The following PACRGL variants were observed in gnomAD, a reference collection of about 807,000 sequenced individuals.
PACRGL encodes PACRG-like protein.
Under a neutral mutation model 34.5 loss-of-function variants are expected in PACRGL, and 38 were observed. The ratio of observed to expected loss-of-function variants is 1.10; its 90% confidence interval spans 0.85 to 1.44. The LOEUF (loss-of-function observed/expected upper bound fraction) is 1.44, where lower values mean the gene tolerates loss of function less well. Among genes scored for constraint, PACRGL ranks in the 40% most tolerant of loss-of-function variants. The pLI, the probability that PACRGL is intolerant of heterozygous loss-of-function variation, is 0.00. For synonymous variants in PACRGL, 128 were observed against 100.1 expected (o/e 1.28, Z -1.66); for missense variants, 305 against 281.4 (o/e 1.08, Z -0.60).
At chr4:20,700,367 C>T (rs1234659553), upstream of PACRGL, 4 of 152,234 alleles carry the variant, frequency 2.6e-5, no homozygotes, top group Non-Finnish European at 5.9e-5. Context: ...GGCGCCTCCG[C>T]GACCTCTTAC....
chr4:20,755,171 A>G (rs533099762), downstream of PACRGL, among the ~76,000 whole-genome samples: 2 of 152,166 alleles, frequency 1.3e-5, no homozygotes, highest in African/African-American at 4.8e-5. Context: ...CATCCAAAGT[A>G]TATCCAAATT....
chr4:20,713,642 A>C, intron 7 of PACRGL, 103 bp downstream of exon 7: 1 of 907,220 alleles, frequency 1.1e-6, no homozygotes. Flanking sequence ...AAAACCTTAA[A>C]AATCTCCCTC....
downstream of PACRGL, among the ~76,000 whole-genome samples, chr4:20,735,624 C>T (rs1464925251): frequency 2.6e-5 from 4 of 151,110 alleles, no homozygotes; most frequent in Non-Finnish European, 5.9e-5. Context: ...CCACCTCCCA[C>T]CTCCCAGGTT....
chr4:20,711,998 A>C (rs1196840960), intron 5 of PACRGL, among the ~76,000 whole-genome samples: 1 of 152,000 alleles, frequency 6.6e-6, no homozygotes, highest in African/African-American at 2.4e-5. Flanking sequence ...AATGTAGGGG[A>C]TCTTATAGCC....
intron 3 of PACRGL, among the ~76,000 whole-genome samples, chr4:20,705,236 T>A (rs756697245): frequency 2.0e-5 from 3 of 152,150 alleles, no homozygotes; most frequent in Non-Finnish European, 4.4e-5. Context: ...ACTAACCTCC[T>A]TTGCCCTCTC....
intron 8 of PACRGL, among the ~76,000 whole-genome samples, chr4:20,751,548 A>T (rs1753640448): frequency 6.6e-6 from 1 of 150,646 alleles, no homozygotes; most frequent in Non-Finnish European, 1.5e-5. Context: ...GAAAAAAAAA[A>T]GAGATTTTGC....
At chr4:20,751,989 T>G (rs1753719125) in intron 8 of PACRGL, among the ~76,000 whole-genome samples, 1 of 152,130 alleles carries the variant, frequency 6.6e-6, no homozygotes, top group South Asian at 2.1e-4. Flanking sequence ...GCAAGTTGTT[T>G]TACCTTTGTG....
the PACRGL span, among the ~76,000 whole-genome samples, chr4:20,764,782 T>C: frequency 0.16 from 23,712 of 152,002 alleles, 1,957 homozygotes; most frequent in East Asian, 0.19. Context: ...CCAGTGGACA[T>C]TGAGGCGTTT....
intron 8 of PACRGL, among the ~76,000 whole-genome samples, chr4:20,725,132 G>GCTT (rs1403863598): frequency 6.6e-6 from 1 of 152,116 alleles, no homozygotes; most frequent in Non-Finnish European, 1.5e-5. Flanking sequence ...CTTTCACAGT[G>GCTT]CTTAATGTGG....
chr4:20,704,416 T>C (rs1480371484), intron 1 of PACRGL, 50 bp from the exon 2 acceptor site: 8 of 1,543,562 alleles, frequency 5.2e-6, no homozygotes, highest in Non-Finnish European at 5.3e-6. Context: ...TGATAACAAA[T>C]GCCCCTCCAA....
At chr4:20,708,017 G>T in intron 4 of PACRGL, 147 bp downstream of exon 4, 1 of 655,920 alleles carries the variant, frequency 1.5e-6, no homozygotes, top group Admixed American at 3.1e-5. Context: ...TTTTGGACTG[G>T]TATAGATTCC....
chr4:20,709,651 T>G lies in PACRGL; in HGVS notation c.276-32T>G, dbSNP rs749342290. ...CCTGCTTAATATAGAATTATATTTTTCTTGTTGCATTCACTAACTTTTATA... is the reference window on the plus strand; with the variant it reads ...CCTGCTTAATATAGAATTATATTTTGCTTGTTGCATTCACTAACTTTTATA... On this transcript the variant is annotated intron_variant, in intron 4 of 8. Transcript: ENST00000503585. The G allele has an allele frequency of 3.7e-6, 5 of 1,355,700 alleles. No homozygotes were observed. The Admixed American group carries it at 7.5e-5, about 20-fold the overall frequency. 84.0% of individuals were successfully genotyped at this position (1,355,700 alleles called of 1,614,324 possible).
At chr4:20,738,494 TG>T (rs558536497) in intron 8 of PACRGL, among the ~76,000 whole-genome samples, 145 of 152,324 alleles carry the variant, frequency 9.5e-4, no homozygotes, top group Non-Finnish European at 1.6e-3. Context: ...AGGGGAAGCC[TG>T]TACTGCTTCC....
At chr4:20,748,906 A>G (rs1189337963) in intron 8 of PACRGL, among the ~76,000 whole-genome samples, 37 of 149,726 alleles carry the variant, frequency 2.5e-4, no homozygotes, top group African/African-American at 7.8e-4. Context: ...ATATATATAT[A>G]TATATATATA....
At chr4:20,759,553 C>T in the PACRGL span, among the ~76,000 whole-genome samples, 56 of 152,084 alleles carry the variant, frequency 3.7e-4, no homozygotes, top group African/African-American at 1.3e-3. Context: ...GGACATTGAT[C>T]TTGGGAACTA....
At chr4:20,702,544 G>A (rs531273281) in intron 1 of PACRGL, 1 of 172,386 alleles carries the variant, frequency 5.8e-6, no homozygotes, top group South Asian at 1.3e-4. Context: ...TTATGGAAAT[G>A]TTGTTTTACA....
At chr4:20,742,973 A>G (rs1751509847) in intron 8 of PACRGL, among the ~76,000 whole-genome samples, 1 of 152,094 alleles carries the variant, frequency 6.6e-6, no homozygotes, top group African/African-American at 2.4e-5. Flanking sequence ...AATTGCTTCA[A>G]AGATAATAAA....
chr4:20,743,086 A>G (rs1202917913), intron 8 of PACRGL, among the ~76,000 whole-genome samples: 1 of 144,318 alleles, frequency 6.9e-6, no homozygotes, highest in Admixed American at 6.8e-5. Context: ...CCCTTATGTG[A>G]ACTACGAACC....
At chr4:20,758,633 G>C in the PACRGL span, among the ~76,000 whole-genome samples, 6 of 152,120 alleles carry the variant, frequency 3.9e-5, no homozygotes, top group Non-Finnish European at 5.9e-5. Flanking sequence ...CAGCCTCTTG[G>C]ATATTTGATA....
Sources: allele counts gnomAD v4.1 joint callset (sites outside exome capture counted in the v4.1 genomes callset), GRCh38; gene constraint gnomAD v4.1.1; transcripts MANE v1.5; gene names NCBI Gene and HGNC (gene_info 2026-07-23, HGNC 2026-07-21).